Variants in NEXMIF observed in about 807,000 individuals in gnomAD.
NEXMIF encodes the protein neurite extension and migration factor, also known as XLMR protein related to neurite extension.
NEXMIF carries 8 observed loss-of-function variants against 62.1 expected under a neutral mutation model. That is an observed-to-expected ratio of 0.13 (90% CI 0.08 to 0.23). The LOEUF is 0.23. NEXMIF is among the 10% of genes least tolerant of loss of function. The probability of loss-of-function intolerance (pLI) is 1.00; values close to 1 mark genes in which losing one functional copy is unlikely to be tolerated. For synonymous variants in NEXMIF, 404 were observed against 416.6 expected (o/e 0.97, Z 0.37); for missense variants, 976 against 1,113.3 (o/e 0.88, Z 1.75).
At chrX:74,843,596 A>G (rs1195260141) in intron 1 of NEXMIF, among the ~76,000 whole-genome samples, 2 of 110,440 alleles carry the variant, frequency 1.8e-5, no homozygotes, top group Non-Finnish European at 3.8e-5. Context: ...TTGTATTTTT[A>G]GTAGAGACAG....
chrX:74,886,219 T>G (rs1242152003), intron 1 of NEXMIF, among the ~76,000 whole-genome samples: 1 of 111,725 alleles, frequency 9.0e-6, no homozygotes, highest in Non-Finnish European at 1.9e-5. Flanking sequence ...ACTGGAAGCA[T>G]TCCCTTTGAA....
chrX:74,838,927 T>C (rs775381480), intron 1 of NEXMIF, among the ~76,000 whole-genome samples: 1 of 112,051 alleles, frequency 8.9e-6, no homozygotes, highest in African/African-American at 3.2e-5. Context: ...ATGGTAAAAT[T>C]CTAGTAATCT....
chrX:74,821,584 C>T lies in NEXMIF; in HGVS notation c.-47-75887G>A, dbSNP rs921098723. ...GGGACAGAGAGAAAATGAATAATAT[C>T]GACTGCATCAAAACTTAATTTAATT... is the stretch of plus-strand genomic sequence containing the variant. On this transcript the variant is annotated intron_variant, in intron 1 of 3. Transcript: ENST00000055682. Among the ~76,000 whole-genome samples, 11 of 112,004 alleles carry T rather than the reference C, an allele frequency of 9.8e-5. 1 individual carries two copies. The highest frequency in any genetic ancestry group is 2.8e-4 in the East Asian group (1 of 3,577).
At chrX:74,909,638 T>A (rs989747044) in intron 1 of NEXMIF, among the ~76,000 whole-genome samples, 1 of 112,169 alleles carries the variant, frequency 8.9e-6, no homozygotes, top group Non-Finnish European at 1.9e-5. Context: ...AGGAGCCACA[T>A]GTTAATCCCC....
chrX:74,863,421 C>T (rs5981706), intron 1 of NEXMIF, among the ~76,000 whole-genome samples: 46,118 of 109,903 alleles, frequency 0.42, 10,129 homozygotes, highest in East Asian at 0.93. Context: ...ATAAACACAA[C>T]AAAAATGATA....
At chrX:74,759,636 G>C in intron 1 of NEXMIF, among the ~76,000 whole-genome samples, 1 of 112,045 alleles carries the variant, frequency 8.9e-6, no homozygotes. Context: ...AACATTTATT[G>C]AATAGGGAGT....
At chrX:74,905,590 A>G (rs1019859062) in intron 1 of NEXMIF, among the ~76,000 whole-genome samples, 16 of 111,961 alleles carry the variant, frequency 1.4e-4, no homozygotes, top group African/African-American at 5.2e-4. Flanking sequence ...CGGTCAGATC[A>G]CTTGAGATCA....
At position 74,758,367 on chromosome X, in the gene NEXMIF, C is replaced by G. The variant is rs753358680; in HGVS notation, c.-47-12670G>C. ...TAAGTGATATAGACAAATTGGAACT[C>G]ATTTAGATAAAAAGTCTAGAACAAG... is the stretch of plus-strand genomic sequence containing the variant. On this transcript the variant is annotated intron_variant, in intron 1 of 3. Coordinates refer to ENST00000055682, the MANE Select transcript of NEXMIF (RefSeq NM_001008537.3). Among the ~76,000 whole-genome samples the G allele has an allele frequency of 2.7e-5, 3 of 110,864 alleles. No homozygotes were observed. In the South Asian group the frequency reaches 1.2e-3, roughly 43 times the overall value.
intron 1 of NEXMIF, among the ~76,000 whole-genome samples, chrX:74,756,510 G>A (rs959526156): frequency 9.0e-6 from 1 of 110,771 alleles, no homozygotes; most frequent in African/African-American, 3.3e-5. Flanking sequence ...TGCCACATGA[G>A]ACAAGGAATG....
chrX:74,919,564 T>A (rs1400603739), intron 1 of NEXMIF, among the ~76,000 whole-genome samples: 3 of 111,275 alleles, frequency 2.7e-5, no homozygotes, highest in Non-Finnish European at 5.7e-5. Context: ...CTACTTATAG[T>A]CCTCCATAGA....
At chrX:74,922,262 G>A (rs756707454) in intron 1 of NEXMIF, among the ~76,000 whole-genome samples, 1 of 111,778 alleles carries the variant, frequency 8.9e-6, no homozygotes, top group South Asian at 3.7e-4. Context: ...GAAAAAGAGG[G>A]AAAAGGGACA....
At chrX:74,836,045 C>T (rs2080455422) in intron 1 of NEXMIF, among the ~76,000 whole-genome samples, 1 of 112,890 alleles carries the variant, frequency 8.9e-6, no homozygotes, top group Admixed American at 9.3e-5. Flanking sequence ...GAGGCCTCTC[C>T]CTGTCACCAT....
intron 1 of NEXMIF, among the ~76,000 whole-genome samples, chrX:74,904,302 T>C (rs1347681315): frequency 8.9e-6 from 1 of 111,978 alleles, no homozygotes; most frequent in Non-Finnish European, 1.9e-5. Flanking sequence ...ATTGTTGTTT[T>C]GTTTTAGAAG....
At chrX:74,874,250 A>C (rs1313949922) in intron 1 of NEXMIF, among the ~76,000 whole-genome samples, 2 of 108,428 alleles carry the variant, frequency 1.8e-5, no homozygotes, top group Non-Finnish European at 3.8e-5. Context: ...TAAATAGGGA[A>C]TCCTTTCCCC....
intron 1 of NEXMIF, among the ~76,000 whole-genome samples, chrX:74,911,497 C>T (rs1375642913): frequency 8.9e-6 from 1 of 112,022 alleles, no homozygotes; most frequent in African/African-American, 3.2e-5. Flanking sequence ...CTCCATATCT[C>T]TGAGTAGCAG....
At chrX:74,847,980 TC>T (rs2080498648) in intron 1 of NEXMIF, among the ~76,000 whole-genome samples, 1 of 110,851 alleles carries the variant, frequency 9.0e-6, no homozygotes, top group South Asian at 3.9e-4. Flanking sequence ...ACTGAATTGA[TC>T]AATTCTAAGG....
Position 74,739,221 on chromosome X carries a change from T to G in NEXMIF, c.*184A>C. 1 of 350,330 alleles carries G rather than the reference T, an allele frequency of 2.9e-6. No individual in the cohort carries two copies. The highest frequency in any genetic ancestry group is 4.9e-6 in the Non-Finnish European group (1 of 204,721). The allele number at this position is 350,330 out of a possible 1,213,427, so 28.9% of individuals were successfully genotyped here. Reference sequence around the variant, plus strand: ...TGGCACAATGTTTTCAATTTTTTCCTTGTGGGTAAATAGTGCATAAACTAC... The same window carrying G: ...TGGCACAATGTTTTCAATTTTTTCCGTGTGGGTAAATAGTGCATAAACTAC... On this transcript the variant is annotated 3_prime_UTR_variant, in exon 4 of 4. Transcript: ENST00000055682.
chrX:74,772,788 C>T (rs1344957256), intron 1 of NEXMIF, among the ~76,000 whole-genome samples: 1 of 112,184 alleles, frequency 8.9e-6, no homozygotes, highest in African/African-American at 3.2e-5. Flanking sequence ...TCCTCAACTT[C>T]TTACCTCTTC....
chrX:74,787,104 C>CAAAAAAA (rs766388500), intron 1 of NEXMIF, among the ~76,000 whole-genome samples: 5 of 31,746 alleles, frequency 1.6e-4, no homozygotes, highest in Admixed American at 3.8e-4. Context: ...ACCAAAAATA[C>CAAAAAAA]AAAAAAAAAA....
Sources: gnomAD v4.1 joint callset for allele counts (sites outside exome capture counted in the v4.1 genomes callset) on GRCh38, gnomAD v4.1.1 for gene constraint, MANE v1.5 for transcripts, NCBI Gene and HGNC (gene_info 2026-07-23, HGNC 2026-07-21) for gene names.